Variants in MYCBP2 observed in about 807,000 individuals in gnomAD.
MYCBP2 encodes E3 ubiquitin-protein ligase MYCBP2.
Under a neutral mutation model 525.3 loss-of-function variants are expected in MYCBP2, and 120 were observed. The ratio of observed to expected loss-of-function variants is 0.23; its 90% CI spans 0.20 to 0.27. The LOEUF (loss-of-function observed/expected upper bound fraction) is 0.27, where lower values mean the gene tolerates loss of function less well. MYCBP2 is among the 10% of genes least tolerant of loss of function. The pLI is 1.00. For synonymous variants in MYCBP2, 1,894 were observed against 1,955.8 expected (o/e 0.97, Z 0.83); for missense variants, 4,149 against 5,657.1 (o/e 0.73, Z 8.55).
At chr13:77,277,308 A>T (rs1390332282) in intron 4 of MYCBP2, among the ~76,000 whole-genome samples, 1 of 152,234 alleles carries the variant, frequency 6.6e-6, no homozygotes, top group African/African-American at 2.4e-5. Flanking sequence ...AGCACTTCAC[A>T]ATATTAATAT....
chr13:77,052,030 T>A (rs1401229911), intron 80 of MYCBP2, 112 bp from the exon 81 acceptor site: 1 of 761,494 alleles, frequency 1.3e-6, no homozygotes, highest in African/African-American at 1.8e-5. Context: ...AATACCATTA[T>A]CTACTAGACC....
intron 26 of MYCBP2, among the ~76,000 whole-genome samples, chr13:77,203,267 C>G (rs1309278970): frequency 6.6e-6 from 1 of 151,770 alleles, no homozygotes; most frequent in Non-Finnish European, 1.5e-5. Flanking sequence ...AAACAGAGAG[C>G]CAAATCATGA....
At chr13:77,110,656 T>A (rs1315477109) in intron 55 of MYCBP2, among the ~76,000 whole-genome samples, 2 of 152,018 alleles carry the variant, frequency 1.3e-5, no homozygotes, top group East Asian at 1.9e-4. Context: ...TCAGAGGACA[T>A]CACGGTCCTA....
intron 52 of MYCBP2, among the ~76,000 whole-genome samples, chr13:77,134,142 T>G (rs961534604): frequency 3.9e-5 from 6 of 152,018 alleles, no homozygotes; most frequent in African/African-American, 1.4e-4. Context: ...CTGGACAACT[T>G]AAGATTAGAA....
At chr13:77,318,092 T>C (rs1340519122) in intron 1 of MYCBP2, among the ~76,000 whole-genome samples, 1 of 152,180 alleles carries the variant, frequency 6.6e-6, no homozygotes, top group East Asian at 1.9e-4. Context: ...GGTGAGACCC[T>C]GCTGGAAAGA....
At chr13:77,286,308 C>A in intron 3 of MYCBP2, among the ~76,000 whole-genome samples, 1 of 152,102 alleles carries the variant, frequency 6.6e-6, no homozygotes, top group Non-Finnish European at 1.5e-5. Flanking sequence ...AGGCAATAGT[C>A]ATAAATCATT....
chr13:77,297,462 C>T (rs750892882), intron 1 of MYCBP2, among the ~76,000 whole-genome samples: 15 of 151,798 alleles, frequency 9.9e-5, no homozygotes, highest in Non-Finnish European at 1.9e-4. Context: ...AGGATGAAGT[C>T]GGGGGGAAGA....
At chr13:77,129,555 G>A (rs2052368744) in intron 52 of MYCBP2, 1 of 177,266 alleles carries the variant, frequency 5.6e-6, no homozygotes, top group Non-Finnish European at 1.2e-5. Flanking sequence ...GGATGTATTT[G>A]TTCTAATACA....
At chr13:77,292,958 CAA>C (rs548135428) in intron 2 of MYCBP2, among the ~76,000 whole-genome samples, 53 of 61,298 alleles carry the variant, frequency 8.6e-4, no homozygotes, top group African/African-American at 2.6e-3. Context: ...GACTCCGTCT[CAA>C]AAAAAAAAAA....
intron 68 of MYCBP2, 115 bp downstream of exon 68, chr13:77,076,636 A>G: frequency 1.7e-6 from 1 of 595,620 alleles, no homozygotes; most frequent in Non-Finnish European, 2.9e-6. Flanking sequence ...AACAAATATG[A>G]ACTGCATAAA....
intron 55 of MYCBP2, 60 bp downstream of exon 55, chr13:77,121,313 G>C: frequency 1.5e-6 from 2 of 1,371,964 alleles, no homozygotes; most frequent in Non-Finnish European, 1.9e-6. Context: ...GTGTATAAAA[G>C]AGAAGGTAAT....
chr13:77,211,189 G>T lies in MYCBP2; in HGVS notation c.3394C>A (p.Pro1132Thr). ...TACCTCCAAATTACATCATATACAG[G>T]ATCAAGACACACACCAAATCCTTGC... ...DLQGFGVCLD[P>T]VYDVIWRFRP... Residue 1132 changes from proline (P) to threonine (T), a missense_variant, in exon 23 of 83, where the codon CCT becomes ACT. By Grantham distance (38) the Pro-to-Thr change is conservative. Transcript: ENST00000544440. 1 of 1,497,498 alleles carries T rather than the reference G, an allele frequency of 6.7e-7. No homozygotes were observed. Among genetic ancestry groups the T allele is most frequent in the South Asian group, 1.4e-5 (1 of 69,742 alleles). 92.8% of individuals were successfully genotyped at this position (1,497,498 alleles called of 1,614,324 possible).
chr13:77,305,677 T>TA (rs886365373), intron 1 of MYCBP2, among the ~76,000 whole-genome samples: 5 of 151,538 alleles, frequency 3.3e-5, no homozygotes, highest in Non-Finnish European at 7.4e-5. Context: ...CTTTTATTTT[T>TA]AAAAAAAGAG....
At chr13:77,093,134 C>G (rs2045708441) in intron 59 of MYCBP2, 31 bp downstream of exon 59, 2 of 1,569,678 alleles carry the variant, frequency 1.3e-6, no homozygotes, top group African/African-American at 2.7e-5. Flanking sequence ...CAAACACTAG[C>G]TATTCAACAG....
intron 1 of MYCBP2, among the ~76,000 whole-genome samples, chr13:77,301,197 T>C (rs1245987314): frequency 6.6e-6 from 1 of 151,832 alleles, no homozygotes; most frequent in Non-Finnish European, 1.5e-5. Context: ...GGCAGATTAC[T>C]TGAGGTCAGG....
chr13:77,251,245 G>C lies in MYCBP2; in HGVS notation c.2287C>G (p.Leu763Val). The C allele has an allele frequency of 2.5e-6, 4 of 1,614,186 alleles. No homozygotes were observed. Among genetic ancestry groups the C allele is most frequent in the Non-Finnish European group, 3.4e-6 (4 of 1,180,028 alleles). ...MCPPGMHKWK[L>V]EQCMVCTVCG... ...ACAGTGCAAACCATGCACTGCTCCAGCTTCCATTTGTGCATGCCTGGAGGG... is the reference window on the plus strand; with the variant it reads ...ACAGTGCAAACCATGCACTGCTCCACCTTCCATTTGTGCATGCCTGGAGGG... The change falls in exon 15 of 83, where the codon CTG becomes GTG. Residue 763 changes from leucine to valine, a missense_variant. This residue lies in a region of MYCBP2 where 620 missense variants were observed against 795.5 expected (regional missense o/e 0.78). Transcript: ENST00000544440.
intron 15 of MYCBP2, among the ~76,000 whole-genome samples, chr13:77,249,547 T>C (rs1178300150): frequency 6.6e-6 from 1 of 152,114 alleles, no homozygotes; most frequent in Non-Finnish European, 1.5e-5. Flanking sequence ...AGAGTGGGGA[T>C]ATTAAATTTT....
intron 2 of MYCBP2, among the ~76,000 whole-genome samples, chr13:77,293,926 A>G (rs2077753860): frequency 6.6e-6 from 1 of 151,834 alleles, no homozygotes; most frequent in Non-Finnish European, 1.5e-5. Context: ...GAACTGTAAG[A>G]TAACGAGTGT....
Position 77,066,010 on chromosome 13 carries a change from A to T in MYCBP2, c.12534T>A (p.Leu4178=), listed in dbSNP as rs1464471855. 6.8e-6 allele frequency: 11 copies of T among 1,611,902 alleles called. No individual in the cohort carries two copies. The highest frequency in any genetic ancestry group is 9.3e-6 in the Non-Finnish European group (11 of 1,178,728). The stretch of plus-strand genomic sequence containing the variant: ...AACTTACTGCTGCCATATCCTTGAT[A>T]AGTTTAATGATGATCTCTGAGATCT... ...PTQISEIIIK[L]IKDMAAGHLS... Residue 4178 remains leucine (L), a synonymous_variant, in exon 72 of 83, where the codon CTT becomes CTA. Transcript: ENST00000544440.
Sources: allele counts gnomAD v4.1 joint callset (sites outside exome capture counted in the v4.1 genomes callset), GRCh38; gene constraint gnomAD v4.1.1; regional missense constraint gnomAD v4.1.1; transcripts MANE v1.5; gene names NCBI Gene and HGNC (gene_info 2026-07-23, HGNC 2026-07-21).